The following CCDC92 variants were observed in gnomAD, a reference collection of about 807,000 sequenced individuals.
CCDC92 encodes coiled-coil domain-containing protein 92.
Under a neutral mutation model 24.9 loss-of-function variants are expected in CCDC92, and 12 were observed. The observed-to-expected ratio is 0.48, with a 90% CI of 0.31 to 0.78. The LOEUF is 0.78. Ranked by LOEUF, CCDC92 falls within the 30% of genes least tolerant of loss-of-function variation. CCDC92 has a pLI of 0.05. For missense variants in CCDC92, 399 were observed against 439.4 expected (o/e 0.91, Z 0.82); for synonymous variants, 193 against 196.3 (o/e 0.98, Z 0.14).
chr12:123,950,835 C>T (rs1258411133), intron 1 of CCDC92, among the ~76,000 whole-genome samples: 1 of 152,218 alleles, frequency 6.6e-6, no homozygotes, highest in Non-Finnish European at 1.5e-5. Flanking sequence ...TGTGCACATC[C>T]TCCTTGGCAC....
chr12:123,953,675 G>A (rs1053831259), intron 1 of CCDC92, among the ~76,000 whole-genome samples: 1 of 152,250 alleles, frequency 6.6e-6, no homozygotes, highest in Non-Finnish European at 1.5e-5. Flanking sequence ...CTACTCGGGA[G>A]GCTGAGGCAG....
intron 1 of CCDC92, among the ~76,000 whole-genome samples, chr12:123,969,602 G>A (rs1304096891): frequency 6.6e-6 from 1 of 151,150 alleles, no homozygotes; most frequent in Non-Finnish European, 1.5e-5. Context: ...CCGAGTAGCT[G>A]GGACTACTGC....
rs753412757 is a variant in CCDC92 at position 123,937,858 on chromosome 12, G to A, written c.224-28C>T. The A allele has an allele frequency of 2.5e-6, 4 of 1,578,064 alleles. No individual in the cohort carries two copies. Among genetic ancestry groups the A allele is most frequent in the South Asian group, 2.3e-5 (2 of 85,472 alleles). The stretch of plus-strand genomic sequence containing the variant: ...ACAAGAATAAGCCGAGGAAGCAGGT[G>A]AAGAACTCATTAGACTGAGGCCGAG... On this transcript the variant is annotated intron_variant, in intron 4 of 4. Coordinates refer to ENST00000238156, the MANE Select transcript of CCDC92 (RefSeq NM_025140.3). The surrounding 1 kb of genome is among the most constrained non-coding windows in gnomAD (Gnocchi z 8.4).
chr12:123,948,323 G>A (rs1955935268), intron 1 of CCDC92, among the ~76,000 whole-genome samples: 1 of 152,236 alleles, frequency 6.6e-6, no homozygotes, highest in African/African-American at 2.4e-5. Flanking sequence ...CATTTCATTT[G>A]TAACAAATTT....
intron 1 of CCDC92, among the ~76,000 whole-genome samples, chr12:123,969,380 G>C (rs1399676240): frequency 2.0e-5 from 3 of 151,260 alleles, no homozygotes; most frequent in Non-Finnish European, 2.9e-5. Flanking sequence ...TGTGAAACTT[G>C]AGTCATGTTT....
intron 1 of CCDC92, among the ~76,000 whole-genome samples, chr12:123,951,276 C>A (rs1469046240): frequency 6.6e-6 from 1 of 152,222 alleles, no homozygotes; most frequent in Admixed American, 6.5e-5. Flanking sequence ...CTCACCCCAT[C>A]ATTTCTCAAT....
At chr12:123,949,458 C>G (rs1955967782) in intron 1 of CCDC92, among the ~76,000 whole-genome samples, 1 of 152,230 alleles carries the variant, frequency 6.6e-6, no homozygotes. Context: ...AAATGGGGCT[C>G]CAACTGACTA....
chr12:123,948,359 C>T (rs1226022547), intron 1 of CCDC92, among the ~76,000 whole-genome samples: 1 of 152,232 alleles, frequency 6.6e-6, no homozygotes, highest in African/African-American at 2.4e-5. Flanking sequence ...AGTATTCATA[C>T]TCTAACTGCC....
At chr12:123,954,106 GAT>G (rs1295072099) in intron 1 of CCDC92, among the ~76,000 whole-genome samples, 6 of 152,132 alleles carry the variant, frequency 3.9e-5, no homozygotes, top group African/African-American at 1.4e-4. Flanking sequence ...TCTTAAAAAA[GAT>G]AATCACTAAA....
rs746738016 is a variant in CCDC92, at chr12:123,937,139, G to A, written c.915C>T (p.Pro305=). ...IHHATPPQAQ[P]EVKTLAVDQV... Reference sequence around the variant, plus strand: ...GGTCGACCGCCAGGGTCTTCACCTCGGGCTGGGCCTGCGGCGGGGTGGCGT... The same window carrying A: ...GGTCGACCGCCAGGGTCTTCACCTCAGGCTGGGCCTGCGGCGGGGTGGCGT... The change falls in exon 5 of 5, where the codon CCC becomes CCT. Residue 305 remains proline (P), a synonymous_variant. Transcript: ENST00000238156. The surrounding 1 kb of genome is among the most constrained non-coding windows in gnomAD (Gnocchi z 8.4). 5.6e-6 allele frequency: 9 copies of A among 1,613,076 alleles called. No individual in the cohort carries two copies. The highest frequency in any genetic ancestry group is 3.3e-5 in the Admixed American group (2 of 60,004).
chr12:123,943,558 G>A, intron 2 of CCDC92, 65 bp from the exon 3 acceptor site: 2 of 1,580,102 alleles, frequency 1.3e-6, no homozygotes, highest in South Asian at 1.1e-5. Flanking sequence ...TGCCCTCCTT[G>A]GCTCTGGGTG....
intron 1 of CCDC92, among the ~76,000 whole-genome samples, chr12:123,969,266 C>T (rs1314998120): frequency 1.3e-5 from 2 of 152,096 alleles, no homozygotes; most frequent in African/African-American, 4.8e-5. Context: ...TACTTCTTGG[C>T]TTTGTTTTAC....
chr12:123,942,903 G>C lies in CCDC92; in HGVS notation c.182-118C>G, dbSNP rs1594456525. The C allele has an allele frequency of 9.8e-6, 8 of 820,176 alleles. 1 individual carries two copies. The East Asian group carries it at 2.0e-4, about 20-fold the overall frequency. The allele number at this position is 820,176 out of a possible 1,614,324, so 50.8% of individuals were successfully genotyped here. On this transcript the variant is annotated intron_variant, in intron 3 of 4. Transcript: ENST00000238156. ...CAGCGAGTCCTACCCAGACAGAGCA[G>C]GGTTTGGCAGCAGGAGAGGTGAGCA...
chr12:123,969,418 C>G (rs1412965640), intron 1 of CCDC92, among the ~76,000 whole-genome samples: 1 of 148,150 alleles, frequency 6.7e-6, no homozygotes, highest in East Asian at 2.0e-4. Context: ...AACTAAAATG[C>G]GGAGCAAGCA....
intron 1 of CCDC92, among the ~76,000 whole-genome samples, chr12:123,961,488 G>A (rs1956270804): frequency 6.6e-6 from 1 of 152,158 alleles, no homozygotes; most frequent in African/African-American, 2.4e-5. Context: ...ATGATTCTGG[G>A]GAATGGTGGA....
intron 1 of CCDC92, among the ~76,000 whole-genome samples, chr12:123,947,436 G>A (rs1436999968): frequency 2.0e-5 from 3 of 152,208 alleles, no homozygotes; most frequent in Non-Finnish European, 4.4e-5. Flanking sequence ...AGTCTGGTGG[G>A]GACGTGGGGA....
At chr12:123,963,246 T>C (rs1956316224) in intron 1 of CCDC92, among the ~76,000 whole-genome samples, 1 of 152,332 alleles carries the variant, frequency 6.6e-6, no homozygotes, top group Non-Finnish European at 1.5e-5. Context: ...TTTTCTCCTC[T>C]TTGGACTTGA....
intron 1 of CCDC92, among the ~76,000 whole-genome samples, chr12:123,965,759 C>G (rs1011135406): frequency 2.0e-5 from 3 of 152,222 alleles, no homozygotes; most frequent in African/African-American, 7.2e-5. Context: ...CTCCAGTGTC[C>G]CATGGCCTGG....
At position 123,936,438 on chromosome 12, in the gene CCDC92, TCTTAAA is replaced by T. The variant is rs1955494158; in HGVS notation, c.*614_*619del. ...GTTTAGAAAATAAAGTTTGTTGGGATCTTAAACATTTTGGATAAAACTAACAAAAAA... is the reference window on the plus strand; with the variant it reads ...GTTTAGAAAATAAAGTTTGTTGGGATCATTTTGGATAAAACTAACAAAAAA... On this transcript the variant is annotated 3_prime_UTR_variant, in exon 5 of 5. Coordinates refer to ENST00000238156, the MANE Select transcript of CCDC92 (RefSeq NM_025140.3). 6.5e-6 allele frequency: 1 copy of T among 152,796 alleles called. No individual in the cohort carries two copies. Among genetic ancestry groups the T allele is most frequent in the Admixed American group, 6.5e-5 (1 of 15,306 alleles). The allele number at this position is 152,796 out of a possible 1,614,324, so 9.5% of individuals were successfully genotyped here. A position where few individuals can be genotyped will look rare whatever the true frequency, so the allele number is the denominator to read the frequency against.
Sources: gnomAD v4.1 joint callset for allele counts (sites outside exome capture counted in the v4.1 genomes callset) on GRCh38, gnomAD v4.1.1 for gene constraint, Gnocchi (gnomAD v3.1) non-coding constraint, MANE v1.5 for transcripts, NCBI Gene and HGNC (gene_info 2026-07-23, HGNC 2026-07-21) for gene names.